Variants in SMC1B observed in about 807,000 individuals in gnomAD.
SMC1B encodes structural maintenance of chromosomes 1B.
SMC1B carries 60 observed loss-of-function variants against 157.9 expected under a neutral mutation model. That is an observed-to-expected ratio of 0.38 (90% CI 0.31 to 0.47). The LOEUF is 0.47. Among genes scored for constraint, SMC1B ranks in the 20% least tolerant of loss-of-function variants. The probability of loss-of-function intolerance (pLI) is 0.99; values close to 1 mark genes in which losing one functional copy is unlikely to be tolerated. For missense variants in SMC1B, 1,165 were observed against 1,426.2 expected (o/e 0.82, Z 2.95); for synonymous variants, 445 against 483.0 (o/e 0.92, Z 1.03).
At chr22:45,368,215 G>A (rs117108542) in intron 15 of SMC1B, among the ~76,000 whole-genome samples, 2,405 of 152,038 alleles carry the variant, frequency 0.016, 31 homozygotes, top group Middle Eastern at 0.031. Context: ...GCTGAATTTT[G>A]TCAAGTGTTT....
intron 15 of SMC1B, among the ~76,000 whole-genome samples, chr22:45,364,202 G>T (rs1003638954): frequency 1.3e-5 from 2 of 152,012 alleles, no homozygotes; most frequent in African/African-American, 4.8e-5. Flanking sequence ...TTCCTACTTT[G>T]CCAGCTTCAT....
chr22:45,385,843 A>G (rs1333092834), intron 11 of SMC1B, among the ~76,000 whole-genome samples: 1 of 152,138 alleles, frequency 6.6e-6, no homozygotes, highest in African/African-American at 2.4e-5. Flanking sequence ...ATTATTGATC[A>G]GAAACACCAA....
chr22:45,403,572 G>C (rs1412799688), intron 4 of SMC1B, among the ~76,000 whole-genome samples: 1 of 152,170 alleles, frequency 6.6e-6, no homozygotes, highest in Non-Finnish European at 1.5e-5. Context: ...TTCTGTGTCA[G>C]CCTCCTGAGT....
chr22:45,384,728 A>G (rs1024784986), intron 11 of SMC1B, among the ~76,000 whole-genome samples: 13 of 151,960 alleles, frequency 8.6e-5, no homozygotes, highest in African/African-American at 3.1e-4. Context: ...TCAAAAAAAA[A>G]AAAAGAAAAG....
chr22:45,374,561 A>AT (rs1196631196), intron 12 of SMC1B, among the ~76,000 whole-genome samples: 1 of 152,210 alleles, frequency 6.6e-6, no homozygotes, highest in Non-Finnish European at 1.5e-5. Context: ...TTTGGACCAA[A>AT]TTCTAATTTT....
chr22:45,407,996 G>C (rs2087283318), intron 2 of SMC1B, among the ~76,000 whole-genome samples: 1 of 152,104 alleles, frequency 6.6e-6, no homozygotes, highest in South Asian at 2.1e-4. Context: ...TTTGGTGGTA[G>C]AAAAAACTGT....
At chr22:45,384,415 T>C (rs750638838) in intron 11 of SMC1B, among the ~76,000 whole-genome samples, 5 of 152,184 alleles carry the variant, frequency 3.3e-5, no homozygotes, top group Non-Finnish European at 5.9e-5. Flanking sequence ...TGGAAAAGGC[T>C]TCCTGTCTCT....
At chr22:45,373,483 T>C (rs2086854621) in intron 12 of SMC1B, among the ~76,000 whole-genome samples, 1 of 152,270 alleles carries the variant, frequency 6.6e-6, no homozygotes, top group Non-Finnish European at 1.5e-5. Flanking sequence ...TTCATTAACC[T>C]GTAAGGTACC....
Position 45,406,476 on chromosome 22 carries a change from T to C in SMC1B, c.599A>G (p.Lys200Arg), listed in dbSNP as rs369806678. 51 of 1,608,422 alleles carry C rather than the reference T, an allele frequency of 3.2e-5. No individual in the cohort carries two copies. The African/African-American group carries it at 6.2e-4, about 19-fold the overall frequency. ...ACATCTTACCTCTTCCTTCTCTAATTTTGCTTGTCTGCGCTCTGCCGCTAT... is the reference window on the plus strand; with the variant it reads ...ACATCTTACCTCTTCCTTCTCTAATCTTGCTTGTCTGCGCTCTGCCGCTAT... The part of the protein sequence containing the change: ...KNIAAERRQA[K>R]LEKEEAERYQ... The change falls in exon 4 of 25, where the codon AAA (lysine) becomes AGA (arginine). Residue 200 changes from lysine to arginine, a missense_variant. Coordinates refer to ENST00000357450, the MANE Select transcript of SMC1B (RefSeq NM_148674.5).
chr22:45,395,391 GT>G (rs1046317955), intron 7 of SMC1B, among the ~76,000 whole-genome samples: 11 of 152,174 alleles, frequency 7.2e-5, no homozygotes, highest in African/African-American at 2.2e-4. Flanking sequence ...TGTTCTTCTT[GT>G]TTTTTTGTAT....
At chr22:45,384,144 G>C (rs1301519812) in intron 11 of SMC1B, among the ~76,000 whole-genome samples, 2 of 152,068 alleles carry the variant, frequency 1.3e-5, no homozygotes. Flanking sequence ...ATATGAGTGA[G>C]GTTGCATTTT....
chr22:45,353,830 T>A, intron 21 of SMC1B, 148 bp downstream of exon 21: 1 of 628,844 alleles, frequency 1.6e-6, no homozygotes, highest in Non-Finnish European at 2.6e-6. Flanking sequence ...TAACCACTCT[T>A]CATGAACTGA....
intron 12 of SMC1B, among the ~76,000 whole-genome samples, chr22:45,377,708 T>C (rs2086896886): frequency 6.6e-6 from 1 of 152,144 alleles, no homozygotes; most frequent in African/African-American, 2.4e-5. Flanking sequence ...TATTTTTGTT[T>C]ATTTTTAAAT....
At chr22:45,379,488 G>A (rs6007006) in intron 12 of SMC1B, among the ~76,000 whole-genome samples, 148 of 152,010 alleles carry the variant, frequency 9.7e-4, no homozygotes, top group African/African-American at 3.5e-3. Flanking sequence ...CCCTGTGTTA[G>A]CTTGGTATAC....
At position 45,408,706 on chromosome 22, in the gene SMC1B, A is replaced by C; in HGVS notation, c.298+4T>G. The C allele has an allele frequency of 1.3e-6, 2 of 1,560,822 alleles. No homozygotes were observed. The highest frequency in any genetic ancestry group is 1.7e-6 in the Non-Finnish European group (2 of 1,160,030). On this transcript the variant is annotated splice_donor_region_variant and intron_variant, in intron 2 of 24. Coordinates refer to ENST00000357450, the MANE Select transcript of SMC1B (RefSeq NM_148674.5). ...TAAAATGAAAAAAAATTATAAAAAA[A>C]TACCTCGGATAATCCTTGCAAATGT...
chr22:45,398,309 C>G (rs756520498), intron 6 of SMC1B, among the ~76,000 whole-genome samples: 2 of 152,206 alleles, frequency 1.3e-5, no homozygotes, highest in Non-Finnish European at 2.9e-5. Flanking sequence ...TGCTTCTGTG[C>G]CGGTACTTGG....
At chr22:45,382,010 A>T (rs1313362955) in intron 12 of SMC1B, among the ~76,000 whole-genome samples, 1 of 152,254 alleles carries the variant, frequency 6.6e-6, no homozygotes, top group Non-Finnish European at 1.5e-5. Context: ...AACAAATGAT[A>T]CTTTTGTAAA....
chr22:45,403,535 C>G (rs2087221119), intron 4 of SMC1B, among the ~76,000 whole-genome samples: 1 of 152,196 alleles, frequency 6.6e-6, no homozygotes, highest in African/African-American at 2.4e-5. Flanking sequence ...CTCACTGTAG[C>G]CTCGACCTCC....
intron 23 of SMC1B, among the ~76,000 whole-genome samples, chr22:45,349,280 G>A (rs2086584758): frequency 6.6e-6 from 1 of 152,072 alleles, no homozygotes; most frequent in African/African-American, 2.4e-5. Context: ...CTCCCAAAGT[G>A]CTGGGATTAC....
Sources: allele counts gnomAD v4.1 joint callset (sites outside exome capture counted in the v4.1 genomes callset), GRCh38; gene constraint gnomAD v4.1.1; transcripts MANE v1.5; gene names NCBI Gene and HGNC (gene_info 2026-07-23, HGNC 2026-07-21).